CLEC12A: variants seen among roughly 807,000 people sequenced by gnomAD.
CLEC12A encodes C-type lectin domain family 12 member A.
CLEC12A carries 22 observed loss-of-function variants against 26.5 expected under a neutral mutation model. That is an observed-to-expected ratio of 0.83 (90% CI 0.59 to 1.19). The LOEUF (loss-of-function observed/expected upper bound fraction) is 1.19. Ranked by LOEUF, CLEC12A falls within the 50% of genes most tolerant of loss-of-function variation. The pLI is 0.00. For missense variants in CLEC12A, 353 were observed against 315.6 expected, an observed-to-expected ratio of 1.12 and a Z score of -0.90; for synonymous variants, 119 against 101.9, an observed-to-expected ratio of 1.17 and a Z score of -1.01.
chr12:9,955,056 A>T (rs781160294), intron 1 of CLEC12A, among the ~76,000 whole-genome samples: 6 of 152,282 alleles, frequency 3.9e-5, no homozygotes, highest in Non-Finnish European at 8.8e-5. Flanking sequence ...AAACTTTTGC[A>T]TTATTGGTGC....
At chr12:10,000,388 AT>A (rs1307763360), downstream of CLEC12A, among the ~76,000 whole-genome samples, 1 of 152,198 alleles carries the variant, frequency 6.6e-6, no homozygotes, top group East Asian at 1.9e-4. Context: ...TCTTCAAATT[AT>A]TTTGAGAATG....
chr12:9,970,517 A>G (rs1414512298), upstream of CLEC12A, among the ~76,000 whole-genome samples: 1 of 152,224 alleles, frequency 6.6e-6, no homozygotes, highest in African/African-American at 2.4e-5. Context: ...ATTAGAGAAC[A>G]TGCTCAAAAA....
At chr12:9,983,032 A>C (rs1314191796) in intron 5 of CLEC12A, among the ~76,000 whole-genome samples, 2 of 152,146 alleles carry the variant, frequency 1.3e-5, no homozygotes, top group Non-Finnish European at 2.9e-5. Flanking sequence ...GCATGGTTTC[A>C]TGTTTTCTTA....
In CLEC12A at chr12:9,979,509, T is replaced by C; in HGVS notation, c.364T>C (p.Tyr122His). The part of the protein sequence containing the change: ...TIATKLCREL[Y>H]SKEQEHKCKP... ...AGCCACCAAATTATGTCGTGAGCTA[T>C]ATAGCAAAGAACAAGGTAATCTTGT... is the stretch of plus-strand genomic sequence containing the variant. The change falls in exon 3 of 6, where the codon TAT becomes CAT. Residue 122 changes from tyrosine (Y) to histidine (H), a missense_variant. Transcript: ENST00000304361. The C allele has an allele frequency of 6.2e-7, 1 of 1,610,960 alleles. No individual in the cohort carries two copies. The highest frequency in any genetic ancestry group is 8.5e-7 in the Non-Finnish European group (1 of 1,178,716).
chr12:9,971,184 G>T (rs1158918250), upstream of CLEC12A, among the ~76,000 whole-genome samples: 1 of 152,104 alleles, frequency 6.6e-6, no homozygotes, highest in Admixed American at 6.6e-5. Context: ...TTTTCTGCTT[G>T]AAAGTTTTTC....
chr12:10,002,541 C>T, the CLEC12A span, among the ~76,000 whole-genome samples: 1 of 79,480 alleles, frequency 1.3e-5, no homozygotes, highest in Non-Finnish European at 2.9e-5. Context: ...CTCCCGGGTT[C>T]ACCCCATTCT....
downstream of CLEC12A, among the ~76,000 whole-genome samples, chr12:9,989,217 A>G (rs1323428857): frequency 5.2e-4 from 47 of 90,816 alleles, no homozygotes; most frequent in East Asian, 2.8e-3. Context: ...CTGTTGTGGG[A>G]TGGGGGGAGG....
chr12:9,956,065 C>G (rs1863737873), intron 1 of CLEC12A, among the ~76,000 whole-genome samples: 1 of 152,176 alleles, frequency 6.6e-6, no homozygotes, highest in African/African-American at 2.4e-5. Flanking sequence ...CAACAAAACA[C>G]AAGAAAGCTG....
upstream of CLEC12A, among the ~76,000 whole-genome samples, chr12:9,970,793 C>A (rs987746737): frequency 2.0e-5 from 3 of 152,192 alleles, no homozygotes; most frequent in African/African-American, 7.2e-5. Flanking sequence ...AGTATGCATA[C>A]TCTCTGGTGT....
At chr12:9,994,409 T>C (rs1023221051) in intron 4 of CLEC12A, among the ~76,000 whole-genome samples, 58 of 152,288 alleles carry the variant, frequency 3.8e-4, no homozygotes, top group Non-Finnish European at 6.5e-4. Flanking sequence ...AAATATTTGT[T>C]TAAAAATTTA....
At chr12:9,980,544 A>G (rs1231783585) in intron 3 of CLEC12A, 38 bp from the exon 4 acceptor site, 3 of 1,591,874 alleles carry the variant, frequency 1.9e-6, no homozygotes, top group South Asian at 1.1e-5. Flanking sequence ...TATTATGACT[A>G]TCAACAAAAC....
In CLEC12A at chr12:9,978,819, A is replaced by G. The variant is rs1250963826; in HGVS notation, c.92-147A>G. On this transcript the variant is annotated intron_variant, in intron 1 of 5. Coordinates refer to ENST00000304361, the MANE Select transcript of CLEC12A (RefSeq NM_138337.6). ...ACATATTCTTCAAAAATATTTTTTG[A>G]ATATTCTTGAATGGCTAGCAAATCC... 4.9e-6 allele frequency: 3 copies of G among 609,762 alleles called. No homozygotes were observed. In the Admixed American group the frequency reaches 9.0e-5, roughly 18 times the overall value. The allele number at this position is 609,762 out of a possible 1,614,324, so 37.8% of individuals were successfully genotyped here.
chr12:9,999,127 CAG>C, downstream of CLEC12A: 1 of 1,541,436 alleles, frequency 6.5e-7, no homozygotes, highest in Non-Finnish European at 8.9e-7. Context: ...CAACTGAGCT[CAG>C]AGTTCAATGA....
downstream of CLEC12A, among the ~76,000 whole-genome samples, chr12:9,997,804 T>C (rs756013218): frequency 1.3e-5 from 2 of 152,130 alleles, no homozygotes; most frequent in Non-Finnish European, 2.9e-5. Context: ...TTCAATGTGC[T>C]ATTGGAGGGC....
At chr12:9,969,712 CACAA>C (rs1021196960), upstream of CLEC12A, among the ~76,000 whole-genome samples, 13 of 152,290 alleles carry the variant, frequency 8.5e-5, no homozygotes, top group African/African-American at 2.4e-4. Context: ...TCCATCCTTT[CACAA>C]ACAAAGAGAT....
intron 1 of CLEC12A, among the ~76,000 whole-genome samples, chr12:9,977,015 TCTTTC>T (rs1428759234): frequency 6.6e-6 from 1 of 152,178 alleles, no homozygotes; most frequent in East Asian, 1.9e-4. Context: ...ATTAAACCTC[TCTTTC>T]CTTATAAATT....
chr12:9,985,209 G>A lies in CLEC12A; in HGVS notation c.*183G>A. On this transcript the variant is annotated 3_prime_UTR_variant, in exon 6 of 6. Transcript: ENST00000304361. ...AGACTGTGAATGTTAATGCCAGAGA[G>A]GTATAATGAAGCATGTCCCACCTCC... 1.7e-6 allele frequency: 1 copy of A among 581,296 alleles called. No individual in the cohort carries two copies. Among genetic ancestry groups the A allele is most frequent in the Non-Finnish European group, 2.6e-6 (1 of 388,414 alleles). The allele number at this position is 581,296 out of a possible 1,614,324, so 36.0% of individuals were successfully genotyped here.
At chr12:9,997,514 A>G (rs1158586357), downstream of CLEC12A, among the ~76,000 whole-genome samples, 2 of 152,222 alleles carry the variant, frequency 1.3e-5, no homozygotes, top group Admixed American at 6.5e-5. Flanking sequence ...ACAATCACAA[A>G]TAAAAAATCC....
chr12:10,000,138 C>A (rs746688916), downstream of CLEC12A, among the ~76,000 whole-genome samples: 1 of 152,098 alleles, frequency 6.6e-6, no homozygotes, highest in Non-Finnish European at 1.5e-5. Flanking sequence ...CCATGACTAG[C>A]AAAGCTTTAA....
Sources: gnomAD v4.1 joint callset for allele counts (sites outside exome capture counted in the v4.1 genomes callset) on GRCh38, gnomAD v4.1.1 for gene constraint, MANE v1.5 for transcripts, NCBI Gene and HGNC (gene_info 2026-07-23, HGNC 2026-07-21) for gene names.